The following TTLL5 variants were observed in gnomAD, a reference collection of about 807,000 sequenced individuals.
TTLL5 encodes the protein tubulin polyglutamylase TTLL5.
Under a neutral mutation model 168.4 loss-of-function variants are expected in TTLL5, and 132 were observed. The observed-to-expected ratio is 0.78, with a 90% CI of 0.68 to 0.91. TTLL5 has a LOEUF of 0.91. TTLL5 is among the 40% of genes least tolerant of loss of function. TTLL5 has a pLI of 0.00. For missense variants in TTLL5, 1,545 were observed against 1,581.5 expected, an observed-to-expected ratio of 0.98 and a Z score of 0.39; for synonymous variants, 546 against 558.6, an observed-to-expected ratio of 0.98 and a Z score of 0.32.
intron 29 of TTLL5, among the ~76,000 whole-genome samples, chr14:75,871,115 C>T (rs2030999450): frequency 6.6e-6 from 1 of 152,106 alleles, no homozygotes; most frequent in South Asian, 2.1e-4. Context: ...TTTTCAATAT[C>T]ATATAAGTCT....
chr14:75,853,698 TG>T (rs1237307882), intron 28 of TTLL5, among the ~76,000 whole-genome samples: 1 of 152,264 alleles, frequency 6.6e-6, no homozygotes, highest in African/African-American at 2.4e-5. Context: ...TGTAACTTTT[TG>T]TTTGCATGTT....
chr14:75,884,897 G>A (rs956629688), intron 30 of TTLL5, among the ~76,000 whole-genome samples: 5 of 151,884 alleles, frequency 3.3e-5, no homozygotes, highest in African/African-American at 1.2e-4. Context: ...TGGGCCAAGT[G>A]TGGTGGCTCA....
chr14:75,886,737 TA>T, intron 30 of TTLL5: 1 of 1,598,008 alleles, frequency 6.3e-7, no homozygotes, highest in Non-Finnish European at 8.5e-7. Flanking sequence ...CTATTTGTGG[TA>T]TTTCTTCCAA....
chr14:75,750,308 A>G (rs2140270025), intron 17 of TTLL5, among the ~76,000 whole-genome samples: 1 of 151,866 alleles, frequency 6.6e-6, no homozygotes, highest in South Asian at 2.1e-4. Flanking sequence ...ACAGTAGAAA[A>G]CTGCTTATCA....
At chr14:75,780,816 T>C (rs1186554561) in intron 24 of TTLL5, among the ~76,000 whole-genome samples, 1 of 152,220 alleles carries the variant, frequency 6.6e-6, no homozygotes, top group East Asian at 1.9e-4. Context: ...AATCCAGCCC[T>C]TTTCTTTGAG....
chr14:75,820,111 A>T lies in TTLL5; in HGVS notation c.3276A>T (p.Thr1092=), dbSNP rs1239610634. 5 of 1,604,604 alleles carry T rather than the reference A, an allele frequency of 3.1e-6. No individual in the cohort carries two copies. In the East Asian group the frequency reaches 1.1e-4, roughly 37 times the overall value. Residue 1092 remains threonine (T), a synonymous_variant, in exon 28 of 32, where the codon ACA becomes ACT. Transcript: ENST00000298832. Reference sequence around the variant, plus strand: ...GTCCTAGTGGCCCGACATGGTCTACACAGTCAGACCCCCAAGCTCCCGAGA... The same window carrying T: ...GTCCTAGTGGCCCGACATGGTCTACTCAGTCAGACCCCCAAGCTCCCGAGA... ...IISPSGPTWS[T]QSDPQAPENH...
chr14:75,888,038 A>T (rs1315697932), intron 30 of TTLL5, among the ~76,000 whole-genome samples: 1 of 152,202 alleles, frequency 6.6e-6, no homozygotes, highest in African/African-American at 2.4e-5. Flanking sequence ...ACTGCAGACA[A>T]TAATACCCTC....
chr14:75,823,541 G>C (rs898106154), intron 28 of TTLL5, among the ~76,000 whole-genome samples: 2 of 152,152 alleles, frequency 1.3e-5, no homozygotes, highest in African/African-American at 4.8e-5. Flanking sequence ...CTTGTGGATC[G>C]AGCTGTCAGG....
intron 3 of TTLL5, among the ~76,000 whole-genome samples, chr14:75,670,870 TAGTG>T (rs1316891395): frequency 1.3e-5 from 2 of 152,232 alleles, no homozygotes; most frequent in Admixed American, 1.3e-4. Flanking sequence ...ATTTTCTTGT[TAGTG>T]TTCTTTCATG....
intron 28 of TTLL5, among the ~76,000 whole-genome samples, chr14:75,859,017 T>G (rs1897280098): frequency 6.6e-6 from 1 of 152,150 alleles, no homozygotes; most frequent in Non-Finnish European, 1.5e-5. Flanking sequence ...GCAAGCACGA[T>G]CAAAAAGAGC....
chr14:75,906,457 A>G (rs921435046), intron 31 of TTLL5: 3 of 880,128 alleles, frequency 3.4e-6, no homozygotes, highest in Non-Finnish European at 4.1e-6. Context: ...ATCTGGGGGA[A>G]CGGTGATCCC....
intron 24 of TTLL5, 134 bp downstream of exon 24, chr14:75,779,836 G>A (rs1358427784): frequency 1.1e-5 from 9 of 827,386 alleles, no homozygotes; most frequent in African/African-American, 3.6e-5. Context: ...AGCTTGGGGA[G>A]GGAGTGGAGA....
intron 30 of TTLL5, among the ~76,000 whole-genome samples, chr14:75,891,573 G>C (rs1218375260): frequency 6.6e-6 from 1 of 152,164 alleles, no homozygotes; most frequent in Non-Finnish European, 1.5e-5. Flanking sequence ...CAGTGCCTGA[G>C]ATAGCTTATA....
Position 75,793,083 on chromosome 14 carries a change from A to C in TTLL5, c.3154A>C (p.Asn1052His), listed in dbSNP as rs201527415. ...ACAGTATTCTCCATCCAGCCACATC[A>C]ACCTCCTCACCCAACAGGTACGGAT... ...ARQYSPSSHI[N>H]LLTQQVTNLN... The change falls in exon 27 of 32, where the codon AAC becomes CAC. Residue 1052 changes from asparagine (N) to histidine (H), a missense_variant. Coordinates refer to ENST00000298832, the MANE Select transcript of TTLL5 (RefSeq NM_015072.5). The C allele has an allele frequency of 4.7e-5, 76 of 1,611,824 alleles. No individual in the cohort carries two copies. The East Asian group carries it at 1.6e-3, about 35-fold the overall frequency.
intron 31 of TTLL5, among the ~76,000 whole-genome samples, chr14:75,949,462 T>TA (rs2034886364): frequency 6.8e-6 from 1 of 147,384 alleles, no homozygotes; most frequent in Admixed American, 6.8e-5. Flanking sequence ...ATCCTATATA[T>TA]ATATAACCTT....
intron 31 of TTLL5, among the ~76,000 whole-genome samples, chr14:75,944,254 T>C (rs539591429): frequency 6.6e-6 from 1 of 152,356 alleles, no homozygotes; most frequent in East Asian, 1.9e-4. Flanking sequence ...GCCGGTAACA[T>C]ACTTTGCTGT....
chr14:75,875,090 C>T (rs2031373930), intron 29 of TTLL5, among the ~76,000 whole-genome samples: 2 of 150,994 alleles, frequency 1.3e-5, no homozygotes, highest in East Asian at 2.0e-4. Context: ...CCCACCACAA[C>T]GCCTGGCTAA....
chr14:75,914,033 A>AAAAAAAT lies in TTLL5; in HGVS notation c.3823+11810_3823+11811insAAAAATA. ...GTTTAAAAGGAAAAAAAAAAAAAAA[A>AAAAAAAT]ATATATATATATATATATATATTTT... On this transcript the variant is annotated intron_variant, in intron 31 of 31. Transcript: ENST00000298832. 5.3e-4 allele frequency among the ~76,000 whole-genome samples: 38 copies of AAAAAAAT among 71,098 alleles called. 1 individual carries two copies. The highest frequency in any genetic ancestry group is 1.6e-3 in the South Asian group (3 of 1,830). 46.6% of individuals were successfully genotyped at this position (71,098 alleles called of 152,430 possible). A position where few individuals can be genotyped will look rare whatever the true frequency, so the allele number is the denominator to read the frequency against.
intron 8 of TTLL5, 121 bp from the exon 9 acceptor site, chr14:75,707,502 G>A: frequency 1.4e-6 from 1 of 722,728 alleles, no homozygotes; most frequent in Non-Finnish European, 2.3e-6. Context: ...TGAGCAGTGT[G>A]TGTTTCATGT....
Sources: allele counts gnomAD v4.1 joint callset (sites outside exome capture counted in the v4.1 genomes callset), GRCh38; gene constraint gnomAD v4.1.1; transcripts MANE v1.5; gene names NCBI Gene and HGNC (gene_info 2026-07-23, HGNC 2026-07-21).